Variants in YJU2 observed in about 807,000 individuals in gnomAD.
The protein encoded by YJU2 is splicing factor YJU2.
YJU2 carries 28 observed loss-of-function variants against 39.6 expected under a neutral mutation model. The observed-to-expected ratio is 0.71, with a 90% CI of 0.52 to 0.97. The LOEUF (loss-of-function observed/expected upper bound fraction) is 0.97. Ranked by LOEUF, YJU2 falls within the 50% of genes least tolerant of loss-of-function variation. YJU2 has a pLI of 0.00. For missense variants in YJU2, 328 were observed against 430.4 expected (o/e 0.76, Z 2.11); for synonymous variants, 184 against 182.4 (o/e 1.01, Z -0.07).
rs572265255 is a variant in YJU2, at chr19:4,253,951, G to A, written c.271-404G>A. On this transcript the variant is annotated intron_variant, in intron 3 of 7. Coordinates refer to ENST00000262962, the MANE Select transcript of YJU2 (RefSeq NM_018074.6). Reference sequence around the variant, plus strand: ...GCCTCCAGAGTAGCTGGGATTACAGGCATGCACCACCTTGCCCTGCCTAAT... The same window carrying A: ...GCCTCCAGAGTAGCTGGGATTACAGACATGCACCACCTTGCCCTGCCTAAT... Among the ~76,000 whole-genome samples the A allele has an allele frequency of 2.0e-5, 3 of 152,170 alleles. No homozygotes were observed. The South Asian group carries it at 6.2e-4, about 32-fold the overall frequency.
chr19:4,253,999 A>G (rs1970998657), intron 3 of YJU2, among the ~76,000 whole-genome samples: 1 of 152,102 alleles, frequency 6.6e-6, no homozygotes, highest in South Asian at 2.1e-4. Flanking sequence ...TAGTAGAGAC[A>G]GGGTTTCTCC....
Position 4,266,397 on chromosome 19 carries a change from C to T in YJU2, c.709-1227C>T, listed in dbSNP as rs182609555. The stretch of plus-strand genomic sequence containing the variant: ...TGAATCACACTGTGGCTTCTCATCA[C>T]GCCTTTACCCATGCCATTCCCCTTA... On this transcript the variant is annotated intron_variant, in intron 6 of 7. Transcript: ENST00000262962. Among the ~76,000 whole-genome samples the T allele has an allele frequency of 2.6e-5, 4 of 152,272 alleles. No individual in the cohort carries two copies. In the South Asian group the frequency reaches 6.2e-4, roughly 24 times the overall value.
At chr19:4,262,192 CTTTTGTTTTTTGT>C in intron 6 of YJU2, 78 bp downstream of exon 6, 3 of 1,470,790 alleles carry the variant, frequency 2.0e-6, no homozygotes, top group East Asian at 4.6e-5. Flanking sequence ...TTGACTTTTT[CTTTTGTTTTTTGT>C]TTTTGTTTTT....
intron 5 of YJU2, 39 bp from the exon 6 acceptor site, chr19:4,261,955 A>G (rs1971074070): frequency 6.2e-7 from 1 of 1,603,908 alleles, no homozygotes; most frequent in African/African-American, 1.3e-5. Flanking sequence ...ACTGTTCCCC[A>G]AACAGAGCAC....
chr19:4,260,920 G>T (rs566584494), intron 5 of YJU2, among the ~76,000 whole-genome samples: 13 of 152,302 alleles, frequency 8.5e-5, no homozygotes, highest in Non-Finnish European at 1.8e-4. Flanking sequence ...GAGAAGCCAG[G>T]ATGCGTGAGC....
At chr19:4,259,314 C>T (rs982229211) in intron 5 of YJU2, among the ~76,000 whole-genome samples, 2 of 151,810 alleles carry the variant, frequency 1.3e-5, no homozygotes, top group African/African-American at 2.4e-5. Flanking sequence ...CTCCTGACCT[C>T]GTGATCCGCC....
chr19:4,259,071 C>CTTTTTTTTTTTTTTT (rs34728075), intron 5 of YJU2, among the ~76,000 whole-genome samples: 1 of 90,262 alleles, frequency 1.1e-5, no homozygotes, highest in Non-Finnish European at 2.1e-5. Context: ...GAACACTTTT[C>CTTTTTTTTTTTTTTT]TTTTTTTTTT....
intron 4 of YJU2, among the ~76,000 whole-genome samples, chr19:4,256,181 AATAT>A (rs1555725229): frequency 8.2e-4 from 103 of 125,858 alleles, no homozygotes; most frequent in Admixed American, 1.1e-3. Flanking sequence ...AAAAAAAAAA[AATAT>A]ATATATATAT....
In YJU2 at chr19:4,261,727, G is replaced by T. The variant is rs144133996; in HGVS notation, c.588-267G>T. Among the ~76,000 whole-genome samples the T allele has an allele frequency of 4.3e-3, 660 of 152,160 alleles. 4 individuals carry two copies. Among genetic ancestry groups the T allele is most frequent in the African/African-American group, 0.015 (616 of 41,514 alleles). On this transcript the variant is annotated intron_variant, in intron 5 of 7. Coordinates refer to ENST00000262962, the MANE Select transcript of YJU2 (RefSeq NM_018074.6). Reference sequence around the variant, plus strand: ...GCCTGTGGACCCAGCTACTCAGGAAGCTGAGTGGGGAGGATCGCTTGAGCC... The same window carrying T: ...GCCTGTGGACCCAGCTACTCAGGAATCTGAGTGGGGAGGATCGCTTGAGCC...
intron 2 of YJU2, among the ~76,000 whole-genome samples, chr19:4,249,767 C>T (rs1208702400): frequency 6.6e-6 from 1 of 151,240 alleles, no homozygotes; most frequent in East Asian, 1.9e-4. Context: ...AGTGCAGTGG[C>T]GTGATCTCAG....
intron 5 of YJU2, among the ~76,000 whole-genome samples, chr19:4,258,949 G>A (rs2144695057): frequency 6.6e-6 from 1 of 152,132 alleles, no homozygotes; most frequent in Middle Eastern, 3.4e-3. Flanking sequence ...TGAAGCCCCA[G>A]AGCCCGTCCC....
chr19:4,247,621 GTGTGTGTGTGTGTGTGTGTGTGTGTGT>G (rs1970936954), intron 1 of YJU2, among the ~76,000 whole-genome samples: 3 of 55,308 alleles, frequency 5.4e-5, no homozygotes, highest in African/African-American at 1.8e-4. Context: ...GTGTGTGTGT[GTGTGTGTGTGTGTGTGTGTGTGTGTGT>G]GTGTGTGTGT....
At chr19:4,263,593 T>C (rs1038886990) in intron 6 of YJU2, among the ~76,000 whole-genome samples, 1 of 151,558 alleles carries the variant, frequency 6.6e-6, no homozygotes, top group African/African-American at 2.4e-5. Context: ...GCGGATCATC[T>C]GAGGTCAGGA....
chr19:4,264,227 A>G (rs1253452455), intron 6 of YJU2, among the ~76,000 whole-genome samples: 2 of 124,698 alleles, frequency 1.6e-5, no homozygotes, highest in Non-Finnish European at 1.6e-5. Flanking sequence ...GTGCCACTGC[A>G]CTCCAGCCTG....
At chr19:4,262,170 C>G in intron 6 of YJU2, 56 bp downstream of exon 6, 1 of 1,522,388 alleles carries the variant, frequency 6.6e-7, no homozygotes, top group Admixed American at 2.1e-5. Context: ...ACAACTGAAG[C>G]CAGGGGTCAG....
intron 4 of YJU2, among the ~76,000 whole-genome samples, chr19:4,256,222 A>G (rs1284998748): frequency 6.7e-6 from 1 of 149,972 alleles, no homozygotes; most frequent in East Asian, 1.9e-4. Context: ...ACACACATAT[A>G]CATATATATA....
intron 5 of YJU2, among the ~76,000 whole-genome samples, chr19:4,259,071 CTTTTTTTT>C (rs34728075): frequency 0.013 from 1,151 of 90,186 alleles, 7 homozygotes; most frequent in African/African-American, 0.039. Flanking sequence ...GAACACTTTT[CTTTTTTTT>C]TTTTTTTTTT....
chr19:4,261,888 A>T lies in YJU2; in HGVS notation c.588-106A>T, dbSNP rs1046983696. The T allele has an allele frequency of 3.6e-5, 40 of 1,122,414 alleles. No individual in the cohort carries two copies. In the African/African-American group the frequency reaches 4.1e-4, roughly 11 times the overall value. The allele number at this position is 1,122,414 out of a possible 1,614,324, so 69.5% of individuals were successfully genotyped here. A position where few individuals can be genotyped will look rare whatever the true frequency, so the allele number is the denominator to read the frequency against. ...CCTCCCACCCCTGCTCACTGAGGGC[A>T]GGAAGAGGTCTCCAGGCACCCAGGC... On this transcript the variant is annotated intron_variant, in intron 5 of 7. Coordinates refer to ENST00000262962, the MANE Select transcript of YJU2 (RefSeq NM_018074.6).
At chr19:4,249,721 T>TG (rs1749176235) in intron 2 of YJU2, among the ~76,000 whole-genome samples, 2 of 151,640 alleles carry the variant, frequency 1.3e-5, no homozygotes, top group African/African-American at 2.4e-5. Context: ...TTTTTTTTTT[T>TG]GTTGAGACAG....
Sources: gnomAD v4.1 joint callset for allele counts (sites outside exome capture counted in the v4.1 genomes callset) on GRCh38, gnomAD v4.1.1 for gene constraint, MANE v1.5 for transcripts, NCBI Gene and HGNC (gene_info 2026-07-23, HGNC 2026-07-21) for gene names.